Variants in SLC25A43 observed in about 807,000 individuals in gnomAD.
SLC25A43 encodes solute carrier family 25 member 43.
In SLC25A43, 10 loss-of-function variants were observed where a neutral mutation model predicts 22.8. That is an observed-to-expected ratio of 0.44 (90% CI 0.27 to 0.74). The LOEUF (loss-of-function observed/expected upper bound fraction) is 0.74. SLC25A43 is among the 30% of genes least tolerant of loss of function. The pLI is 0.17. For synonymous variants in SLC25A43, 106 were observed against 121.6 expected (o/e 0.87, Z 0.84); for missense variants, 233 against 279.1 (o/e 0.83, Z 1.18).
intron 1 of SLC25A43, among the ~76,000 whole-genome samples, chrX:119,404,912 T>C (rs774965509): frequency 2.7e-5 from 3 of 112,021 alleles, no homozygotes; most frequent in Non-Finnish European, 5.6e-5. Flanking sequence ...CCGGGCCACA[T>C]GCGGCCTGTG....
intron 4 of SLC25A43, 92 bp from the exon 5 acceptor site, chrX:119,452,773 C>A: frequency 2.9e-6 from 2 of 690,407 alleles, no homozygotes; most frequent in South Asian, 2.7e-5. Context: ...TCTCACTTTA[C>A]AAGATAATTT....
intron 3 of SLC25A43, among the ~76,000 whole-genome samples, chrX:119,428,901 A>G (rs1002979796): frequency 9.1e-6 from 1 of 110,270 alleles, no homozygotes; most frequent in Non-Finnish European, 1.9e-5. Context: ...ATGCCTGATG[A>G]TCTGAGATGG....
intron 3 of SLC25A43, chrX:119,426,349 T>G (rs898314570): frequency 4.6e-5 from 24 of 517,003 alleles, no homozygotes; most frequent in Non-Finnish European, 5.4e-5. Context: ...CTCATCTGTT[T>G]TGAGGGTAAG....
intron 3 of SLC25A43, among the ~76,000 whole-genome samples, chrX:119,446,359 C>A (rs1017375104): frequency 9.0e-6 from 1 of 110,718 alleles, no homozygotes; most frequent in Non-Finnish European, 1.9e-5. Context: ...AAACAACTAA[C>A]TGGAATATAA....
chrX:119,433,687 C>T (rs757496448), intron 3 of SLC25A43, among the ~76,000 whole-genome samples: 15 of 112,287 alleles, frequency 1.3e-4, no homozygotes, highest in African/African-American at 4.2e-4. Flanking sequence ...TGGAAGGGTA[C>T]TTGGCTGCAA....
rs1472575624 is a variant in SLC25A43 at position 119,453,672 on chromosome X, C to A, written c.*607C>A. ...GCTTCAGCCTCCAGAGAGTTGGGAC[C>A]ATAGGTGCACACCACCACACCTAGC... is the stretch of plus-strand genomic sequence containing the variant. On this transcript the variant is annotated 3_prime_UTR_variant, in exon 5 of 5. Transcript: ENST00000217909. 8.8e-6 allele frequency: 1 copy of A among 113,912 alleles called. No individual in the cohort carries two copies. Among genetic ancestry groups the A allele is most frequent in the African/African-American group, 3.3e-5 (1 of 30,763 alleles). 9.4% of individuals were successfully genotyped at this position (113,912 alleles called of 1,213,427 possible). A position where few individuals can be genotyped will look rare whatever the true frequency, so the allele number is the denominator to read the frequency against.
At chrX:119,426,094 A>G in intron 3 of SLC25A43, 1 of 290,037 alleles carries the variant, frequency 3.4e-6, no homozygotes. Flanking sequence ...GAAAGGTCCC[A>G]GGAAAGGTCT....
rs138285581 is a variant in SLC25A43 at position 119,406,677 on chromosome X, C to T, written c.493C>T (p.Arg165Ter). 170 of 1,210,283 alleles carry T rather than the reference C, an allele frequency of 1.4e-4. No individual in the cohort carries two copies. The highest frequency in any genetic ancestry group is 1.8e-4 in the Non-Finnish European group (161 of 895,092). Reference sequence around the variant, plus strand: ...ACAGGAAGGGTTCCTTGCCCTTTATCGAGGGGTTTCCCTCACTGTTGTAGG... The same window carrying T: ...ACAGGAAGGGTTCCTTGCCCTTTATTGAGGGGTTTCCCTCACTGTTGTAGG... ...YQQEGFLALY[R>*]GVSLTVVGAL... The change falls in exon 2 of 5, where the codon CGA becomes TGA. Residue 165 changes from arginine (R) to a stop codon, truncating the protein, a stop_gained. Transcript: ENST00000217909. LOFTEE classifies it high-confidence loss of function.
intron 1 of SLC25A43, 63 bp downstream of exon 1, chrX:119,399,741 G>T (rs2052220192): frequency 2.1e-6 from 2 of 962,376 alleles, no homozygotes; most frequent in Non-Finnish European, 1.3e-6. Context: ...GGGAGCCGCG[G>T]CCCGACGCCG....
At chrX:119,451,870 C>T in intron 3 of SLC25A43, 139 bp from the exon 4 acceptor site, 1 of 1,147,425 alleles carries the variant, frequency 8.7e-7, no homozygotes, top group Non-Finnish European at 1.2e-6. Flanking sequence ...AAGAAGAACC[C>T]CACAGCAGCC....
At position 119,399,461 on chromosome X, in the gene SLC25A43, G is replaced by A; in HGVS notation, c.58G>A (p.Gly20Arg). 2.8e-6 allele frequency: 3 copies of A among 1,054,039 alleles called. No homozygotes were observed. Among genetic ancestry groups the A allele is most frequent in the Non-Finnish European group, 3.7e-6 (3 of 820,498 alleles). 86.9% of individuals were successfully genotyped at this position (1,054,039 alleles called of 1,213,427 possible). ...LTGGQRLLCA[G>R]LAGTLSLSLT... is the part of the protein sequence containing the mutation. The stretch of plus-strand genomic sequence containing the variant: ...AGGCGGCCAAAGGCTGCTGTGCGCT[G>A]GGCTGGCGGGGACGCTCAGCCTCAG... Residue 20 changes from glycine to arginine, a missense_variant, in exon 1 of 5, where the codon GGG (glycine) becomes AGG (arginine). Physicochemically the swap from Gly to Arg is moderately radical, Grantham distance 125. Transcript: ENST00000217909.
At chrX:119,426,815 T>TA (rs1468102128) in intron 3 of SLC25A43, among the ~76,000 whole-genome samples, 11 of 50,901 alleles carry the variant, frequency 2.2e-4, no homozygotes, top group Non-Finnish European at 3.3e-4. Flanking sequence ...GAAACTCTAT[T>TA]TAAAAAAAAA....
At chrX:119,414,801 G>T (rs1311258962) in intron 3 of SLC25A43, among the ~76,000 whole-genome samples, 4 of 108,468 alleles carry the variant, frequency 3.7e-5, no homozygotes, top group African/African-American at 1.3e-4. Flanking sequence ...AGGCTGGAGT[G>T]CAGTGGTGCG....
chrX:119,447,429 C>A (rs1171869402), intron 3 of SLC25A43, among the ~76,000 whole-genome samples: 1 of 111,003 alleles, frequency 9.0e-6, no homozygotes, highest in Admixed American at 9.6e-5. Flanking sequence ...CCTCAGCCCC[C>A]CCAAGTAACT....
At chrX:119,419,635 C>G (rs1346987867) in intron 3 of SLC25A43, among the ~76,000 whole-genome samples, 1 of 111,743 alleles carries the variant, frequency 8.9e-6, no homozygotes, top group Non-Finnish European at 1.9e-5. Context: ...TCCCACATTT[C>G]CCACAGCCTG....
chrX:119,435,473 TTTTTTTTTA>T lies in SLC25A43; in HGVS notation c.691-16533_691-16525del, dbSNP rs1371162937. 6.9e-3 allele frequency among the ~76,000 whole-genome samples: 430 copies of T among 62,377 alleles called. 3 individuals carry two copies. The highest frequency in any genetic ancestry group is 0.015 in the African/African-American group (269 of 18,494). 54.2% of individuals were successfully genotyped at this position (62,377 alleles called of 115,157 possible). ...GATTTTATTCTTTTTTTTTTTTTTT[TTTTTTTTTA>T]TTATACTCTAAGTTTTAGGGTACAT... On this transcript the variant is annotated intron_variant, in intron 3 of 4. Transcript: ENST00000217909.
intron 3 of SLC25A43, among the ~76,000 whole-genome samples, chrX:119,418,051 G>A (rs1004544709): frequency 7.2e-5 from 8 of 111,042 alleles, no homozygotes; most frequent in Non-Finnish European, 1.1e-4. Flanking sequence ...TGCAGTAAAT[G>A]GAGAGTAGCT....
intron 1 of SLC25A43, among the ~76,000 whole-genome samples, chrX:119,403,139 A>G (rs2052252859): frequency 9.0e-6 from 1 of 110,958 alleles, no homozygotes; most frequent in Admixed American, 9.6e-5. Context: ...GACCTTCAAT[A>G]AATGAGTAGT....
intron 3 of SLC25A43, among the ~76,000 whole-genome samples, chrX:119,429,012 G>A (rs1220337348): frequency 9.0e-6 from 1 of 111,277 alleles, no homozygotes; most frequent in Non-Finnish European, 1.9e-5. Flanking sequence ...GGGACTGCTG[G>A]GCTAAATTCC....
Sources: allele counts gnomAD v4.1 joint callset (sites outside exome capture counted in the v4.1 genomes callset), GRCh38; gene constraint gnomAD v4.1.1; transcripts MANE v1.5; gene names NCBI Gene and HGNC (gene_info 2026-07-23, HGNC 2026-07-21).